The following ADAMTS6 variants were observed in gnomAD, a reference collection of about 807,000 sequenced individuals.
ADAMTS6 encodes the protein A disintegrin and metalloproteinase with thrombospondin motifs 6.
Under a neutral mutation model 144.3 loss-of-function variants are expected in ADAMTS6, and 23 were observed. The ratio of observed to expected loss-of-function variants is 0.16; its 90% confidence interval spans 0.11 to 0.23. ADAMTS6 has a LOEUF of 0.23. Among genes scored for constraint, ADAMTS6 ranks in the 10% least tolerant of loss-of-function variants. The probability of loss-of-function intolerance (pLI) is 1.00; values close to 1 mark genes in which losing one functional copy is unlikely to be tolerated. For missense variants in ADAMTS6, 999 were observed against 1,379.6 expected, an observed-to-expected ratio of 0.72 and a Z score of 4.37; for synonymous variants, 444 against 457.5, an observed-to-expected ratio of 0.97 and a Z score of 0.38.
intron 7 of ADAMTS6, among the ~76,000 whole-genome samples, chr5:65,404,202 T>C (rs1754210812): frequency 6.6e-6 from 1 of 152,090 alleles, no homozygotes; most frequent in Admixed American, 6.6e-5. Context: ...ACATGCAGGT[T>C]TGTTACATAT....
chr5:65,166,556 C>T lies in ADAMTS6; in HGVS notation c.3244+4061G>A, dbSNP rs201364935. Among the ~76,000 whole-genome samples the T allele has an allele frequency of 9.3e-3, 61 of 6,594 alleles. 2 individuals are homozygous for T. The East Asian group carries it at 0.098, about 11-fold the overall frequency. The allele number at this position is 6,594 out of a possible 152,430, so 4.3% of individuals were successfully genotyped here. On this transcript the variant is annotated intron_variant, in intron 24 of 24. Transcript: ENST00000381055. ...CCTAATAGACATCTACAGAACTCTC[C>T]ACCCCAAATCAACAGAATATACATT... is the stretch of plus-strand genomic sequence containing the variant.
intron 7 of ADAMTS6, among the ~76,000 whole-genome samples, chr5:65,344,569 T>C (rs945805476): frequency 3.9e-5 from 6 of 151,902 alleles, no homozygotes; most frequent in Non-Finnish European, 8.8e-5. Flanking sequence ...GTTGAAAATT[T>C]TTGTTTCCAA....
At chr5:65,394,605 T>G (rs1347524161) in intron 7 of ADAMTS6, among the ~76,000 whole-genome samples, 1 of 152,220 alleles carries the variant, frequency 6.6e-6, no homozygotes, top group East Asian at 1.9e-4. Flanking sequence ...AATTAAGGTA[T>G]GGAAGTCATG....
At chr5:65,237,755 A>G (rs1395571241) in intron 15 of ADAMTS6, among the ~76,000 whole-genome samples, 1 of 152,190 alleles carries the variant, frequency 6.6e-6, no homozygotes, top group Non-Finnish European at 1.5e-5. Flanking sequence ...ACATAAAAAA[A>G]TACATCATGA....
intron 1 of ADAMTS6, among the ~76,000 whole-genome samples, chr5:65,478,521 A>C (rs1372751993): frequency 6.6e-6 from 1 of 152,222 alleles, no homozygotes; most frequent in Non-Finnish European, 1.5e-5. Context: ...ACTTGTTAAG[A>C]GATTAGATTA....
At chr5:65,408,947 C>T (rs967818267) in intron 7 of ADAMTS6, among the ~76,000 whole-genome samples, 1 of 152,118 alleles carries the variant, frequency 6.6e-6, no homozygotes, top group African/African-American at 2.4e-5. Context: ...TTCTTTGAAA[C>T]CAATGAGAAC....
intron 9 of ADAMTS6, among the ~76,000 whole-genome samples, chr5:65,315,101 T>C (rs1466683719): frequency 6.6e-6 from 1 of 152,102 alleles, no homozygotes; most frequent in Non-Finnish European, 1.5e-5. Context: ...AAAGTAATAA[T>C]AGTAACAATG....
intron 20 of ADAMTS6, among the ~76,000 whole-genome samples, chr5:65,203,673 C>T (rs1170574712): frequency 6.6e-6 from 1 of 152,028 alleles, no homozygotes. Context: ...AACTAAAAAT[C>T]TTCATTTTCT....
At chr5:65,238,147 G>A (rs1758846111) in intron 15 of ADAMTS6, among the ~76,000 whole-genome samples, 1 of 151,842 alleles carries the variant, frequency 6.6e-6, no homozygotes, top group African/African-American at 2.4e-5. Context: ...CATATTAATA[G>A]GATAAAGAAT....
chr5:65,433,527 T>C (rs996443005), intron 7 of ADAMTS6, among the ~76,000 whole-genome samples: 8 of 152,244 alleles, frequency 5.3e-5, no homozygotes, highest in African/African-American at 1.9e-4. Context: ...CATAAAGTTG[T>C]GTTCATTTTA....
At chr5:65,201,091 T>C (rs1755708306) in intron 20 of ADAMTS6, among the ~76,000 whole-genome samples, 1 of 152,192 alleles carries the variant, frequency 6.6e-6, no homozygotes, top group African/African-American at 2.4e-5. Context: ...TATCAAGAAA[T>C]GGCTTTAATG....
chr5:65,182,441 C>T (rs985756144), intron 22 of ADAMTS6, among the ~76,000 whole-genome samples: 2 of 113,502 alleles, frequency 1.8e-5, no homozygotes, highest in African/African-American at 7.9e-5. Context: ...GAGACTCCAT[C>T]TCAAAAAAAA....
intron 7 of ADAMTS6, among the ~76,000 whole-genome samples, chr5:65,434,885 G>C (rs1757273782): frequency 6.6e-6 from 1 of 152,108 alleles, no homozygotes; most frequent in Non-Finnish European, 1.5e-5. Flanking sequence ...CTACTTCTAG[G>C]TATTTGCCCT....
intron 4 of ADAMTS6, among the ~76,000 whole-genome samples, chr5:65,453,953 CTTAAT>C (rs2150252768): frequency 6.6e-6 from 1 of 152,172 alleles, no homozygotes; most frequent in East Asian, 1.9e-4. Flanking sequence ...CATGTTGAAA[CTTAAT>C]TGCCATTGAA....
intron 20 of ADAMTS6, among the ~76,000 whole-genome samples, chr5:65,206,410 C>A (rs1032930744): frequency 1.3e-5 from 2 of 152,090 alleles, no homozygotes; most frequent in Non-Finnish European, 2.9e-5. Context: ...TTAAAAATCT[C>A]AAAGAGTAGA....
intron 21 of ADAMTS6, 80 bp from the exon 22 acceptor site, chr5:65,188,300 C>T: frequency 7.7e-7 from 1 of 1,299,158 alleles, no homozygotes; most frequent in Non-Finnish European, 1.1e-6. Flanking sequence ...AAGGCACTTT[C>T]ACTGATGGAC....
In ADAMTS6 at chr5:65,481,817, A is replaced by C; in HGVS notation, c.-754T>G. ...AGACAAGAGGAGCAGGAAGGGCAGC[A>C]AAGTTTTGTTGAAGTAGCCCTAGAT... is the stretch of plus-strand genomic sequence containing the variant. On this transcript the variant is annotated 5_prime_UTR_variant, in exon 1 of 25. Coordinates refer to ENST00000381055, the MANE Select transcript of ADAMTS6 (RefSeq NM_197941.4). 1 of 152,378 alleles carries C rather than the reference A, an allele frequency of 6.6e-6. No individual in the cohort carries two copies. The highest frequency in any genetic ancestry group is 1.9e-4 in the East Asian group (1 of 5,200). The allele number at this position is 152,378 out of a possible 1,614,324, so 9.4% of individuals were successfully genotyped here. A position where few individuals can be genotyped will look rare whatever the true frequency, so the allele number is the denominator to read the frequency against.
chr5:65,304,261 A>G (rs1381338326), intron 9 of ADAMTS6, among the ~76,000 whole-genome samples: 1 of 152,232 alleles, frequency 6.6e-6, no homozygotes, highest in Non-Finnish European at 1.5e-5. Context: ...ACAAAGTACA[A>G]TGTTAAGTTT....
At chr5:65,159,753 C>A (rs1426797938) in intron 24 of ADAMTS6, among the ~76,000 whole-genome samples, 2 of 152,146 alleles carry the variant, frequency 1.3e-5, no homozygotes. Flanking sequence ...AGTCTTGGTG[C>A]CTAGCACATG....
Sources: gnomAD v4.1 joint callset for allele counts (sites outside exome capture counted in the v4.1 genomes callset) on GRCh38, gnomAD v4.1.1 for gene constraint, MANE v1.5 for transcripts, NCBI Gene and HGNC (gene_info 2026-07-23, HGNC 2026-07-21) for gene names.